Variants in RALGAPB observed in about 807,000 individuals in gnomAD.
RALGAPB encodes the protein ral GTPase-activating protein subunit beta.
Under a neutral mutation model 161.1 loss-of-function variants are expected in RALGAPB, and 25 were observed. The ratio of observed to expected loss-of-function variants is 0.16; its 90% CI spans 0.11 to 0.22. The LOEUF (loss-of-function observed/expected upper bound fraction) is 0.22, where lower values mean the gene tolerates loss of function less well. Among genes scored for constraint, RALGAPB ranks in the 10% least tolerant of loss-of-function variants. RALGAPB has a pLI of 1.00. For missense variants in RALGAPB, 1,391 were observed against 1,815.2 expected, an observed-to-expected ratio of 0.77 and a Z score of 4.25; for synonymous variants, 629 against 626.1, an observed-to-expected ratio of 1.00 and a Z score of -0.07.
At chr20:38,484,777 C>T (rs1401986472) in intron 1 of RALGAPB, among the ~76,000 whole-genome samples, 2 of 152,104 alleles carry the variant, frequency 1.3e-5, no homozygotes, top group Non-Finnish European at 2.9e-5. Context: ...CTCACAGCAA[C>T]CTCTGTCTTC....
intron 11 of RALGAPB, 30 bp downstream of exon 11, chr20:38,524,975 A>G (rs372843040): frequency 2.5e-6 from 4 of 1,574,826 alleles, no homozygotes; most frequent in South Asian, 1.1e-5. Flanking sequence ...TATTATATCA[A>G]CTGTCTGATT....
intron 27 of RALGAPB, among the ~76,000 whole-genome samples, 196 bp downstream of exon 27, chr20:38,570,192 C>A (rs1408265830): frequency 1.3e-5 from 2 of 152,198 alleles, no homozygotes; most frequent in East Asian, 3.9e-4. Flanking sequence ...AATCCTGGTA[C>A]TTTTTTCATA....
intron 5 of RALGAPB, among the ~76,000 whole-genome samples, chr20:38,505,110 C>T (rs541813151): frequency 1.1e-4 from 16 of 152,068 alleles, no homozygotes; most frequent in Admixed American, 2.6e-4. Flanking sequence ...ATTGTTCTAC[C>T]GAAAAGACAC....
At chr20:38,524,338 AT>A (rs2086391979) in intron 10 of RALGAPB, among the ~76,000 whole-genome samples, 1 of 152,134 alleles carries the variant, frequency 6.6e-6, no homozygotes, top group Non-Finnish European at 1.5e-5. Flanking sequence ...ATGTTGCAAC[AT>A]TTTTCTCTTA....
intron 15 of RALGAPB, among the ~76,000 whole-genome samples, chr20:38,533,533 G>A (rs528976634): frequency 3.3e-5 from 5 of 152,228 alleles, no homozygotes; most frequent in African/African-American, 1.2e-4. Flanking sequence ...TAGATTCTTA[G>A]ATGTGAGTTT....
At chr20:38,531,032 TATA>T in intron 13 of RALGAPB, 132 bp from the exon 14 acceptor site, 1 of 721,912 alleles carries the variant, frequency 1.4e-6, no homozygotes, top group East Asian at 2.8e-5. Flanking sequence ...AAGAGCCAAC[TATA>T]ATTTCATGGG....
At chr20:38,501,484 A>G (rs1365968215) in intron 5 of RALGAPB, among the ~76,000 whole-genome samples, 1 of 152,102 alleles carries the variant, frequency 6.6e-6, no homozygotes, top group Non-Finnish European at 1.5e-5. Context: ...GCGCCTGTAG[A>G]ACACACCTCC....
chr20:38,548,121 G>C (rs1404435077), intron 19 of RALGAPB: 1 of 152,132 alleles, frequency 6.6e-6, no homozygotes, highest in African/African-American at 2.4e-5. Flanking sequence ...AAAAGGATCT[G>C]GGTCACTCGG....
At chr20:38,559,988 T>A (rs1309594433) in intron 23 of RALGAPB, among the ~76,000 whole-genome samples, 1 of 152,124 alleles carries the variant, frequency 6.6e-6, no homozygotes, top group Non-Finnish European at 1.5e-5. Context: ...TTTAAGACAA[T>A]CAGCTAATCA....
chr20:38,511,935 C>A (rs2085971863), intron 6 of RALGAPB, among the ~76,000 whole-genome samples: 1 of 152,138 alleles, frequency 6.6e-6, no homozygotes, highest in South Asian at 2.1e-4. Context: ...ACCTCCCAGA[C>A]AGGGCGGCGG....
At chr20:38,560,997 G>A (rs1325982802) in intron 23 of RALGAPB, among the ~76,000 whole-genome samples, 1 of 152,218 alleles carries the variant, frequency 6.6e-6, no homozygotes, top group Non-Finnish European at 1.5e-5. Context: ...AGAATGTGAA[G>A]GGATATGGGT....
In RALGAPB at chr20:38,575,633, C is replaced by T. The variant is rs2088408736; in HGVS notation, c.*666C>T. 1 of 152,506 alleles carries T rather than the reference C, an allele frequency of 6.6e-6. No individual in the cohort carries two copies. The highest frequency in any genetic ancestry group is 2.4e-5 in the African/African-American group (1 of 41,408). The allele number at this position is 152,506 out of a possible 1,614,324, so 9.4% of individuals were successfully genotyped here. Reference sequence around the variant, plus strand: ...TCTGAAAGCCTCAGTTTCTGAGTGACCCAGGAACAGATCAGAAATGGAGCA... The same window carrying T: ...TCTGAAAGCCTCAGTTTCTGAGTGATCCAGGAACAGATCAGAAATGGAGCA... On this transcript the variant is annotated 3_prime_UTR_variant, in exon 30 of 30. Transcript: ENST00000262879.
At chr20:38,524,184 A>G (rs532449659) in intron 10 of RALGAPB, among the ~76,000 whole-genome samples, 2 of 152,346 alleles carry the variant, frequency 1.3e-5, no homozygotes, top group African/African-American at 4.8e-5. Context: ...ATATTCAGGT[A>G]TATTCCTAAA....
At chr20:38,513,693 C>A (rs558434128) in intron 6 of RALGAPB, among the ~76,000 whole-genome samples, 158 of 151,448 alleles carry the variant, frequency 1.0e-3, no homozygotes, top group Middle Eastern at 6.8e-3. Context: ...ACTATAGTAC[C>A]GAATTGTTTC....
chr20:38,524,569 T>C (rs558771302), intron 10 of RALGAPB, among the ~76,000 whole-genome samples: 1 of 152,304 alleles, frequency 6.6e-6, no homozygotes, highest in Non-Finnish European at 1.5e-5. Context: ...TCCAGTAATA[T>C]CCTTTAAAGG....
intron 22 of RALGAPB, among the ~76,000 whole-genome samples, chr20:38,556,481 A>G (rs898143707): frequency 1.4e-4 from 21 of 152,278 alleles, no homozygotes; most frequent in Non-Finnish European, 1.5e-4. Flanking sequence ...AATATTTAAA[A>G]TAAATGAGAC....
At chr20:38,511,870 C>T (rs1002558557) in intron 6 of RALGAPB, among the ~76,000 whole-genome samples, 5 of 152,090 alleles carry the variant, frequency 3.3e-5, no homozygotes, top group South Asian at 2.1e-4. Flanking sequence ...GGGTGGCGGC[C>T]GGGCAGAGGG....
At chr20:38,491,734 TAC>T (rs1241343074) in intron 2 of RALGAPB, among the ~76,000 whole-genome samples, 2 of 152,244 alleles carry the variant, frequency 1.3e-5, no homozygotes, top group Non-Finnish European at 2.9e-5. Context: ...TTACCCTGTC[TAC>T]ACAGAGTTAT....
chr20:38,497,001 G>A (rs184303897), intron 3 of RALGAPB, among the ~76,000 whole-genome samples: 30 of 152,238 alleles, frequency 2.0e-4, no homozygotes, highest in Admixed American at 4.6e-4. Context: ...CAAGGGTGGC[G>A]GTGGGTATTT....
Sources: gnomAD v4.1 joint callset for allele counts (sites outside exome capture counted in the v4.1 genomes callset) on GRCh38, gnomAD v4.1.1 for gene constraint, MANE v1.5 for transcripts, NCBI Gene and HGNC (gene_info 2026-07-23, HGNC 2026-07-21) for gene names.